UTP18: variants seen among roughly 807,000 people sequenced by gnomAD.
The protein encoded by UTP18 is U3 small nucleolar RNA-associated protein 18 homolog.
A neutral mutation model predicts 61.1 loss-of-function variants in UTP18; 36 were observed. The ratio of observed to expected loss-of-function variants is 0.59; its 90% CI spans 0.45 to 0.78. The LOEUF (loss-of-function observed/expected upper bound fraction) is 0.78, where lower values mean the gene tolerates loss of function less well. UTP18 is among the 30% of genes least tolerant of loss of function. The pLI is 0.00. For missense variants in UTP18, 753 were observed against 693.9 expected (o/e 1.09, Z -0.96); for synonymous variants, 282 against 251.1 (o/e 1.12, Z -1.16).
chr17:51,276,197 C>T (rs1904715823), intron 6 of UTP18, among the ~76,000 whole-genome samples: 1 of 152,196 alleles, frequency 6.6e-6, no homozygotes, highest in African/African-American at 2.4e-5. Context: ...ACTGCCCTTG[C>T]TTCTTGCTCC....
chr17:51,279,442 A>G (rs925450141), intron 7 of UTP18, among the ~76,000 whole-genome samples: 22 of 152,146 alleles, frequency 1.4e-4, no homozygotes, highest in African/African-American at 4.8e-4. Flanking sequence ...ACATCCAGAG[A>G]AGCTAGTCAG....
At chr17:51,295,029 C>G (rs553233922) in intron 12 of UTP18, among the ~76,000 whole-genome samples, 4 of 151,746 alleles carry the variant, frequency 2.6e-5, no homozygotes, top group Non-Finnish European at 1.5e-5. Flanking sequence ...TCATATCCTT[C>G]GCCCACTTTT....
rs1401129304 is a variant in UTP18, at chr17:51,297,853, T to C, written c.*86T>C. 2.7e-6 allele frequency: 1 copy of C among 371,772 alleles called. No individual in the cohort carries two copies. Among genetic ancestry groups the C allele is most frequent in the African/African-American group, 2.3e-5 (1 of 44,004 alleles). 23.0% of individuals were successfully genotyped at this position (371,772 alleles called of 1,614,324 possible). A position where few individuals can be genotyped will look rare whatever the true frequency, so the allele number is the denominator to read the frequency against. On this transcript the variant is annotated 3_prime_UTR_variant, in exon 14 of 14. Coordinates refer to ENST00000225298, the MANE Select transcript of UTP18 (RefSeq NM_016001.3). ...AAACTTTCCTGAATATGTGATAATA[T>C]ATGGAAAATGATTTATAGATCCAGC...
Position 51,275,953 on chromosome 17 carries a change from A to C in UTP18, c.799A>C (p.Met267Leu). ...VQFHPGAQIV[M>L]VAGLDNAVSL... Reference sequence around the variant, plus strand: ...GTTCCATCCCGGTGCACAGATTGTGATGGTTGCTGGATTAGATAATGCTGT... The same window carrying C: ...GTTCCATCCCGGTGCACAGATTGTGCTGGTTGCTGGATTAGATAATGCTGT... Residue 267 changes from methionine (M) to leucine (L), a missense_variant, in exon 6 of 14, where the codon ATG becomes CTG. Physicochemically the swap from Met to Leu is conservative, Grantham distance 15. Transcript: ENST00000225298. The C allele has an allele frequency of 6.2e-7, 1 of 1,612,806 alleles. No homozygotes were observed. Among genetic ancestry groups the C allele is most frequent in the South Asian group, 1.1e-5 (1 of 90,890 alleles).
At chr17:51,268,209 G>T (rs886488366) in intron 3 of UTP18, among the ~76,000 whole-genome samples, 7 of 152,140 alleles carry the variant, frequency 4.6e-5, no homozygotes, top group African/African-American at 1.7e-4. Context: ...TGTATTTTTA[G>T]TAGAGACGGG....
Position 51,260,668 on chromosome 17 carries a change from C to G in UTP18, c.84C>G (p.Asp28Glu). 1 of 1,611,868 alleles carries G rather than the reference C, an allele frequency of 6.2e-7. No individual in the cohort carries two copies. The highest frequency in any genetic ancestry group is 8.5e-7 in the Non-Finnish European group (1 of 1,179,512). Residue 28 changes from aspartate to glutamate, a missense_variant, in exon 1 of 14, where the codon GAC becomes GAG. Coordinates refer to ENST00000225298, the MANE Select transcript of UTP18 (RefSeq NM_016001.3). ...KPKRKPGMRP[D>E]WKAGAGPGGP... ...AGCGGAAGCCCGGAATGAGGCCGGACTGGAAAGCCGGAGCGGGGCCAGGCG... is the reference window on the plus strand; with the variant it reads ...AGCGGAAGCCCGGAATGAGGCCGGAGTGGAAAGCCGGAGCGGGGCCAGGCG...
At chr17:51,290,105 A>G (rs1242916056) in intron 11 of UTP18, among the ~76,000 whole-genome samples, 1 of 152,124 alleles carries the variant, frequency 6.6e-6, no homozygotes, top group Non-Finnish European at 1.5e-5. Flanking sequence ...GGGATTCTGC[A>G]TATGATTTCC....
At chr17:51,267,010 T>C (rs1234866206) in intron 3 of UTP18, among the ~76,000 whole-genome samples, 1 of 152,170 alleles carries the variant, frequency 6.6e-6, no homozygotes, top group East Asian at 1.9e-4. Flanking sequence ...AATTTTTTTG[T>C]AGGAATGGGG....
intron 1 of UTP18, among the ~76,000 whole-genome samples, chr17:51,262,807 C>A (rs1051745825): frequency 6.6e-6 from 1 of 152,204 alleles, no homozygotes. Context: ...CCACCTTGAC[C>A]TCCCAAAGTG....
chr17:51,263,600 C>T (rs576066744), intron 2 of UTP18, among the ~76,000 whole-genome samples: 62 of 152,298 alleles, frequency 4.1e-4, no homozygotes, highest in Non-Finnish European at 5.3e-4. Flanking sequence ...CTCCTCTTTG[C>T]TGTATACAGT....
At chr17:51,264,364 C>T (rs181306536) in intron 2 of UTP18, among the ~76,000 whole-genome samples, 43 of 152,248 alleles carry the variant, frequency 2.8e-4, no homozygotes, top group African/African-American at 9.6e-4. Flanking sequence ...CCCTTTAATG[C>T]AGATTATTTC....
At chr17:51,271,341 C>G (rs900906942) in intron 4 of UTP18, among the ~76,000 whole-genome samples, 2 of 152,006 alleles carry the variant, frequency 1.3e-5, no homozygotes, top group African/African-American at 4.8e-5. Flanking sequence ...GGGTCTCACT[C>G]TATCGCCCAG....
At chr17:51,282,867 CTTT>C (rs534175274) in intron 9 of UTP18, among the ~76,000 whole-genome samples, 50 of 120,694 alleles carry the variant, frequency 4.1e-4, no homozygotes, top group Admixed American at 6.4e-4. Flanking sequence ...TCTTCTTCTT[CTTT>C]TTTTTTTTTT....
At chr17:51,274,138 G>A (rs60173307) in intron 5 of UTP18, among the ~76,000 whole-genome samples, 58,885 of 151,708 alleles carry the variant, frequency 0.39, 12,919 homozygotes, top group East Asian at 0.6. Context: ...CATGCTGCTA[G>A]GTCCTTTCTT....
At chr17:51,279,543 C>G (rs776614662) in intron 7 of UTP18, among the ~76,000 whole-genome samples, 8 of 150,228 alleles carry the variant, frequency 5.3e-5, no homozygotes, top group Non-Finnish European at 1.2e-4. Flanking sequence ...AGATGAGATT[C>G]CTGTCCATCA....
At chr17:51,276,866 G>A (rs573793449) in intron 6 of UTP18, among the ~76,000 whole-genome samples, 4 of 152,296 alleles carry the variant, frequency 2.6e-5, no homozygotes, top group South Asian at 2.1e-4. Flanking sequence ...TGGAGCTTCC[G>A]TGCCTTCTCA....
chr17:51,260,884 G>T lies in UTP18; in HGVS notation c.300G>T (p.Glu100Asp), dbSNP rs775902416. The part of the protein sequence containing the change: ...CLEELVFGDV[E>D]NDEDALLRRL... Reference sequence around the variant, plus strand: ...AGGAGCTGGTCTTCGGCGACGTCGAGAACGACGAGGACGCGTTGCTGCGGC... The same window carrying T: ...AGGAGCTGGTCTTCGGCGACGTCGATAACGACGAGGACGCGTTGCTGCGGC... Residue 100 changes from glutamate to aspartate, a missense_variant, in exon 1 of 14, where the codon GAG becomes GAT. Physicochemically the swap from Glu to Asp is conservative, Grantham distance 45. Coordinates refer to ENST00000225298, the MANE Select transcript of UTP18 (RefSeq NM_016001.3). 2 of 1,599,848 alleles carry T rather than the reference G, an allele frequency of 1.3e-6. No homozygotes were observed. The highest frequency in any genetic ancestry group is 1.7e-6 in the Non-Finnish European group (2 of 1,174,364).
intron 1 of UTP18, among the ~76,000 whole-genome samples, chr17:51,261,370 C>T (rs1041024054): frequency 2.0e-5 from 3 of 152,144 alleles, no homozygotes; most frequent in Admixed American, 6.6e-5. Context: ...ACTATGAGAC[C>T]CACCATGTTT....
At chr17:51,268,639 G>A (rs1239964674) in intron 3 of UTP18, among the ~76,000 whole-genome samples, 198 bp from the exon 4 acceptor site, 1 of 152,206 alleles carries the variant, frequency 6.6e-6, no homozygotes, top group African/African-American at 2.4e-5. Flanking sequence ...GAGGTTCATG[G>A]AGGTTTCCAG....
Sources: gnomAD v4.1 joint callset for allele counts (sites outside exome capture counted in the v4.1 genomes callset) on GRCh38, gnomAD v4.1.1 for gene constraint, MANE v1.5 for transcripts, NCBI Gene and HGNC (gene_info 2026-07-23, HGNC 2026-07-21) for gene names.